The following ARAP2 variants were observed in gnomAD, a reference collection of about 807,000 sequenced individuals.
ARAP2 encodes arf-GAP with Rho-GAP domain, ANK repeat and PH domain-containing protein 2.
A neutral mutation model predicts 194.5 loss-of-function variants in ARAP2; 148 were observed. That is an observed-to-expected ratio of 0.76 (90% CI 0.67 to 0.87). The LOEUF (loss-of-function observed/expected upper bound fraction) is 0.87. Ranked by LOEUF, ARAP2 falls within the 40% of genes least tolerant of loss-of-function variation. ARAP2 has a pLI of 0.00. For synonymous variants in ARAP2, 695 were observed against 683.5 expected, an observed-to-expected ratio of 1.02 and a Z score of -0.26; for missense variants, 2,128 against 1,989.7, an observed-to-expected ratio of 1.07 and a Z score of -1.32.
chr4:36,181,900 C>G (rs1163579193), intron 8 of ARAP2, among the ~76,000 whole-genome samples: 1 of 152,006 alleles, frequency 6.6e-6, no homozygotes, highest in Non-Finnish European at 1.5e-5. Context: ...TTATTTTGTA[C>G]AGGATACATA....
chr4:36,011,685 A>T (rs924954576), intron 9 of ARAP2, among the ~76,000 whole-genome samples: 1 of 152,140 alleles, frequency 6.6e-6, no homozygotes, highest in South Asian at 2.1e-4. Flanking sequence ...TATATTGATA[A>T]TTCTACATAT....
At chr4:36,170,228 T>C (rs943975404) in intron 9 of ARAP2, among the ~76,000 whole-genome samples, 1 of 152,206 alleles carries the variant, frequency 6.6e-6, no homozygotes, top group Non-Finnish European at 1.5e-5. Flanking sequence ...CTGATTCAGA[T>C]AGCAGAACCA....
At chr4:36,146,583 C>A (rs1578065366) in intron 19 of ARAP2, among the ~76,000 whole-genome samples, 1 of 152,168 alleles carries the variant, frequency 6.6e-6, no homozygotes, top group East Asian at 1.9e-4. Flanking sequence ...ACCTGAAATA[C>A]TCTATCTGGA....
At chr4:36,167,750 G>C (rs1228732556) in intron 9 of ARAP2, among the ~76,000 whole-genome samples, 1 of 152,016 alleles carries the variant, frequency 6.6e-6, no homozygotes, top group South Asian at 2.1e-4. Context: ...AAAATCTATA[G>C]TTACTATGTT....
At position 36,160,519 on chromosome 4, in the gene ARAP2, A is replaced by G; in HGVS notation, c.2382T>C (p.Tyr794=). The change falls in exon 13 of 33, where the codon TAT becomes TAC. Residue 794 remains tyrosine (Y), a synonymous_variant. Transcript: ENST00000303965. ...GAGTTTTTCTGAATTTTCCTTCTTT[A>G]TATTTCTGAGTAATAAAGTTTTTTC... ...EKRKNFITQK[Y]KEGKFRKTLL... 1.3e-6 allele frequency: 2 copies of G among 1,569,968 alleles called. No homozygotes were observed. The highest frequency in any genetic ancestry group is 1.7e-6 in the Non-Finnish European group (2 of 1,163,938).
At chr4:36,154,589 C>A (rs554551764) in intron 15 of ARAP2, among the ~76,000 whole-genome samples, 1 of 151,838 alleles carries the variant, frequency 6.6e-6, no homozygotes. Flanking sequence ...AGCAATCCAT[C>A]TTTCTTTTCA....
In ARAP2 at chr4:36,210,557, G is replaced by A. The variant is rs146133680; in HGVS notation, c.1320C>T (p.Ala440=). The A allele has an allele frequency of 3.1e-6, 5 of 1,613,712 alleles. No individual in the cohort carries two copies. The African/African-American group carries it at 6.7e-5, about 22-fold the overall frequency. The change falls in exon 6 of 33, where the codon GCC becomes GCT. Residue 440 remains alanine (A), a synonymous_variant. Transcript: ENST00000303965. ...SKASKSRTQK[A]LILDSVNRHS... ...GCCTATTAACGGAGTCCAAAATCAA[G>A]GCTTTTTGAGTCCTAGATTTAGATG...
intron 3 of ARAP2, among the ~76,000 whole-genome samples, chr4:36,213,570 A>T (rs1747239198): frequency 6.6e-6 from 1 of 152,068 alleles, no homozygotes; most frequent in African/African-American, 2.4e-5. Flanking sequence ...AACCTGTCAC[A>T]CATGTCCTTC....
intron 6 of ARAP2, among the ~76,000 whole-genome samples, chr4:36,198,376 G>A (rs149071558): frequency 1.4e-3 from 210 of 152,348 alleles, no homozygotes; most frequent in African/African-American, 4.9e-3. Context: ...AGTTCCTACT[G>A]TGGTCTGCAG....
chr4:36,010,511 A>G (rs1239321220), intron 9 of ARAP2, among the ~76,000 whole-genome samples: 1 of 152,038 alleles, frequency 6.6e-6, no homozygotes. Flanking sequence ...TTACCTCCAT[A>G]TGTGAAATGA....
intron 5 of ARAP2, among the ~76,000 whole-genome samples, chr4:36,031,843 AT>A (rs1364792517): frequency 1.3e-5 from 2 of 151,806 alleles, no homozygotes; most frequent in Non-Finnish European, 2.9e-5. Flanking sequence ...TAATTTTTGT[AT>A]TTTTAGTAGA....
At chr4:36,156,681 G>A (rs2109758665) in intron 15 of ARAP2, among the ~76,000 whole-genome samples, 1 of 152,250 alleles carries the variant, frequency 6.6e-6, no homozygotes, top group East Asian at 1.9e-4. Context: ...GTAGCCAACT[G>A]CTTTAAGATC....
intron 5 of ARAP2, among the ~76,000 whole-genome samples, chr4:36,035,315 G>A (rs1238703258): frequency 6.6e-6 from 1 of 152,062 alleles, no homozygotes; most frequent in Admixed American, 6.6e-5. Context: ...TTGGGAGGGT[G>A]TATGTGTCCA....
chr4:36,156,771 T>C (rs371531860), intron 15 of ARAP2, among the ~76,000 whole-genome samples: 5 of 152,292 alleles, frequency 3.3e-5, no homozygotes, highest in East Asian at 1.9e-4. Flanking sequence ...CCCTGCCAGA[T>C]TATGTTCACT....
chr4:36,151,302 T>C (rs1176742831), intron 15 of ARAP2, among the ~76,000 whole-genome samples: 1 of 152,138 alleles, frequency 6.6e-6, no homozygotes, highest in Non-Finnish European at 1.5e-5. Flanking sequence ...AAGGCAGAGC[T>C]GTAAAGAGGT....
At chr4:36,060,324 G>A (rs1724223388) in intron 1 of ARAP2, among the ~76,000 whole-genome samples, 1 of 152,174 alleles carries the variant, frequency 6.6e-6, no homozygotes, top group Non-Finnish European at 1.5e-5. Context: ...TTTACAAGCA[G>A]ACCCCAACAG....
intron 6 of ARAP2, among the ~76,000 whole-genome samples, chr4:36,207,027 G>A (rs1269679727): frequency 6.6e-6 from 1 of 152,162 alleles, no homozygotes; most frequent in African/African-American, 2.4e-5. Context: ...ATTCAAAAAG[G>A]TTTCCTTATT....
intron 6 of ARAP2, among the ~76,000 whole-genome samples, chr4:36,204,987 C>CAAAAAAAAAAAAAAAAAAAAAAAAA (rs754960122): frequency 1.4e-4 from 5 of 35,084 alleles, no homozygotes; most frequent in Non-Finnish European, 1.8e-4. Context: ...GACTCCATCT[C>CAAAAAAAAAAAAAAAAAAAAAAAAA]AAAAAAAAAA....
intron 16 of ARAP2, among the ~76,000 whole-genome samples, chr4:36,150,524 C>T (rs1730708219): frequency 6.6e-6 from 1 of 151,932 alleles, no homozygotes; most frequent in Non-Finnish European, 1.5e-5. Context: ...CATGTGCAAT[C>T]CCAGTTACTC....
Sources: gnomAD v4.1 joint callset for allele counts (sites outside exome capture counted in the v4.1 genomes callset) on GRCh38, gnomAD v4.1.1 for gene constraint, MANE v1.5 for transcripts, NCBI Gene and HGNC (gene_info 2026-07-23, HGNC 2026-07-21) for gene names.